The following URB1 variants were observed in gnomAD, a reference collection of about 807,000 sequenced individuals.
URB1 encodes URB1 ribosome biogenesis factor, also known as nucleolar pre-ribosomal-associated protein 1.
In URB1, 197 loss-of-function variants were observed where a neutral mutation model predicts 242.3. That is an observed-to-expected ratio of 0.81 (90% CI 0.72 to 0.91). The LOEUF is 0.91. Among genes scored for constraint, URB1 ranks in the 40% least tolerant of loss-of-function variants. The probability of loss-of-function intolerance (pLI) is 0.00; values close to 1 mark genes in which losing one functional copy is unlikely to be tolerated. For synonymous variants in URB1, 1,153 were observed against 1,201.8 expected, an observed-to-expected ratio of 0.96 and a Z score of 0.84; for missense variants, 2,721 against 2,860.5, an observed-to-expected ratio of 0.95 and a Z score of 1.11.
At chr21:32,358,209 C>T (rs1464492050) in intron 14 of URB1, among the ~76,000 whole-genome samples, 1 of 152,172 alleles carries the variant, frequency 6.6e-6, no homozygotes, top group Non-Finnish European at 1.5e-5. Context: ...TACACTGACT[C>T]ACTGAATCCT....
At chr21:32,340,349 C>T (rs113696764) in intron 25 of URB1, among the ~76,000 whole-genome samples, 7 of 152,314 alleles carry the variant, frequency 4.6e-5, no homozygotes, top group African/African-American at 1.4e-4. Context: ...CAGTGGCTTA[C>T]GCCTGTAATC....
Position 32,311,876 on chromosome 21 carries a change from C to T in URB1, c.*3042G>A, listed in dbSNP as rs748116900. On this transcript the variant is annotated 3_prime_UTR_variant, in exon 39 of 39. Transcript: ENST00000382751. ...AGGAGAGCTCCTCCACCTTGCCCCT[C>T]GGGGGTTTCCAGACCCACCCCACTC... 9.3e-6 allele frequency: 15 copies of T among 1,613,964 alleles called. No individual in the cohort carries two copies. The East Asian group carries it at 1.3e-4, about 14-fold the overall frequency.
chr21:32,387,600 C>CAAAAAAAAA (rs764839350), intron 1 of URB1, among the ~76,000 whole-genome samples: 1 of 124,800 alleles, frequency 8.0e-6, no homozygotes. Context: ...TCACCTTATT[C>CAAAAAAAAA]AAAAAAAAAA....
intron 36 of URB1, 97 bp from the exon 37 acceptor site, chr21:32,318,014 G>T: frequency 6.9e-7 from 1 of 1,454,214 alleles, no homozygotes; most frequent in Non-Finnish European, 9.3e-7. Flanking sequence ...ACCCAGAGGT[G>T]CACACAGTCC....
At chr21:32,331,483 G>A (rs1169698673) in intron 30 of URB1, among the ~76,000 whole-genome samples, 1 of 152,180 alleles carries the variant, frequency 6.6e-6, no homozygotes, top group Non-Finnish European at 1.5e-5. Flanking sequence ...AGATGATTCT[G>A]GAAGGTAGAA....
At chr21:32,392,354 G>A (rs1489308694) in intron 1 of URB1, among the ~76,000 whole-genome samples, 1 of 152,120 alleles carries the variant, frequency 6.6e-6, no homozygotes, top group African/African-American at 2.4e-5. Flanking sequence ...TGAGTGTTGG[G>A]GGATGGAAGC....
Position 32,317,697 on chromosome 21 carries a change from C to T in URB1, c.6013G>A (p.Ala2005Thr), listed in dbSNP as rs1220023673. 5 of 1,551,608 alleles carry T rather than the reference C, an allele frequency of 3.2e-6. No homozygotes were observed. Among genetic ancestry groups the T allele is most frequent in the Non-Finnish European group, 3.5e-6 (4 of 1,146,996 alleles). The part of the protein sequence containing the change: ...QEDLRAAIEK[A>T]QARELMKMLK... ...TCACTCATGAGCTCCCGGGCTTGGG[C>T]CTTCTCAATGGCTGCTCTCAGGTCT... The change falls in exon 37 of 39, where the codon GCC (alanine) becomes ACC (threonine). Residue 2005 changes from alanine to threonine, a missense_variant. Coordinates refer to ENST00000382751, the MANE Select transcript of URB1 (RefSeq NM_014825.3).
chr21:32,357,462 TTA>T, intron 15 of URB1, 73 bp downstream of exon 15: 1 of 1,309,838 alleles, frequency 7.6e-7, no homozygotes, highest in Non-Finnish European at 9.7e-7. Context: ...TCAATAACTG[TTA>T]ACTAAACACT....
At chr21:32,392,568 A>C (rs1365615224) in intron 1 of URB1, among the ~76,000 whole-genome samples, 2 of 152,254 alleles carry the variant, frequency 1.3e-5, no homozygotes, top group African/African-American at 4.8e-5. Flanking sequence ...CAATCAAGCA[A>C]GTCGGGGCCC....
chr21:32,314,324 A>G lies in URB1; in HGVS notation c.*594T>C, dbSNP rs2032643114. ...CTTAGCCTCCCGAGTAGCTGGAATT[A>G]CAGGTGTGCGCTACCATGCCTGGCT... On this transcript the variant is annotated 3_prime_UTR_variant, in exon 39 of 39. Coordinates refer to ENST00000382751, the MANE Select transcript of URB1 (RefSeq NM_014825.3). 1 of 440,718 alleles carries G rather than the reference A, an allele frequency of 2.3e-6. No homozygotes were observed. Among genetic ancestry groups the G allele is most frequent in the South Asian group, 2.1e-5 (1 of 48,704 alleles). 27.3% of individuals were successfully genotyped at this position (440,718 alleles called of 1,614,324 possible).
chr21:32,364,673 C>T (rs2033325878), intron 10 of URB1, among the ~76,000 whole-genome samples: 1 of 152,248 alleles, frequency 6.6e-6, no homozygotes, highest in East Asian at 1.9e-4. Flanking sequence ...CAACCAACAG[C>T]CTGAGGCCCT....
chr21:32,347,890 C>G, intron 21 of URB1, 79 bp from the exon 22 acceptor site: 1 of 1,455,822 alleles, frequency 6.9e-7, no homozygotes, highest in Non-Finnish European at 9.0e-7. Context: ...CGCAAGTATT[C>G]ACTGTTGTTA....
rs1024095640 is a variant in URB1 at position 32,344,749 on chromosome 21, C to T, written c.4078G>A (p.Val1360Met). ...AGAGCTGCTGAAATGGAGTCGGCCACGATCCACCTGCAGCAGGAGATGAGA... is the reference window on the plus strand; with the variant it reads ...AGAGCTGCTGAAATGGAGTCGGCCATGATCCACCTGCAGCAGGAGATGAGA... ...HTPSSHKRWI[V>M]ADSISAALEG... Residue 1360 changes from valine (V) to methionine (M), a missense_variant, in exon 24 of 39, where the codon GTG becomes ATG. Transcript: ENST00000382751. 5.5e-5 allele frequency: 86 copies of T among 1,550,324 alleles called. No individual in the cohort carries two copies. Among genetic ancestry groups the T allele is most frequent in the Non-Finnish European group, 6.5e-5 (74 of 1,146,658 alleles).
intron 14 of URB1, 65 bp from the exon 15 acceptor site, chr21:32,357,721 G>A: frequency 8.7e-6 from 10 of 1,154,986 alleles, no homozygotes; most frequent in South Asian, 6.6e-5. Context: ...TTAATATATA[G>A]TTATATATTA....
At chr21:32,380,327 C>A (rs1020275154) in intron 4 of URB1, among the ~76,000 whole-genome samples, 11 of 152,220 alleles carry the variant, frequency 7.2e-5, no homozygotes, top group Non-Finnish European at 1.3e-4. Flanking sequence ...GTCCATGTCA[C>A]ACAGCATCTC....
At chr21:32,392,356 G>T (rs1044008145) in intron 1 of URB1, among the ~76,000 whole-genome samples, 3 of 152,214 alleles carry the variant, frequency 2.0e-5, no homozygotes, top group African/African-American at 7.2e-5. Flanking sequence ...AGTGTTGGGG[G>T]ATGGAAGCTA....
chr21:32,353,952 A>C lies in URB1; in HGVS notation c.2397T>G (p.Leu799=), dbSNP rs898836934. The change falls in exon 18 of 39, where the codon CTT becomes CTG. Residue 799 remains leucine, a synonymous_variant. Transcript: ENST00000382751. The part of the protein sequence containing the change: ...AALEARNKLL[L]GTGNEAAENV... Reference sequence around the variant, plus strand: ...AGGTACCTGCTTCATTGCCTGTCCCAAGGAGCAACTTATTCCTGGCTTCCA... The same window carrying C: ...AGGTACCTGCTTCATTGCCTGTCCCCAGGAGCAACTTATTCCTGGCTTCCA... 1 of 1,551,620 alleles carries C rather than the reference A, an allele frequency of 6.4e-7. No homozygotes were observed. The highest frequency in any genetic ancestry group is 1.4e-5 in the African/African-American group (1 of 73,044).
At chr21:32,329,445 G>A (rs1469425210) in intron 30 of URB1, among the ~76,000 whole-genome samples, 1 of 152,218 alleles carries the variant, frequency 6.6e-6, no homozygotes, top group Non-Finnish European at 1.5e-5. Flanking sequence ...ATCTAGTGAT[G>A]AGGCTCAGAG....
At chr21:32,386,734 T>C (rs1381790870) in intron 1 of URB1, among the ~76,000 whole-genome samples, 1 of 152,218 alleles carries the variant, frequency 6.6e-6, no homozygotes, top group Non-Finnish European at 1.5e-5. Flanking sequence ...TTTACTTACA[T>C]GACATCAGCT....
Sources: allele counts gnomAD v4.1 joint callset (sites outside exome capture counted in the v4.1 genomes callset), GRCh38; gene constraint gnomAD v4.1.1; transcripts MANE v1.5; gene names NCBI Gene and HGNC (gene_info 2026-07-23, HGNC 2026-07-21).